CNTRL: variants seen among roughly 807,000 people sequenced by gnomAD.
CNTRL encodes the protein 110 kDa centrosomal protein.
Under a neutral mutation model 303.7 loss-of-function variants are expected in CNTRL, and 233 were observed. The ratio of observed to expected loss-of-function variants is 0.77; its 90% CI spans 0.69 to 0.86. The LOEUF (loss-of-function observed/expected upper bound fraction) is 0.86. Ranked by LOEUF, CNTRL falls within the 40% of genes least tolerant of loss-of-function variation. CNTRL has a pLI of 0.00. For synonymous variants in CNTRL, 900 were observed against 922.2 expected (o/e 0.98, Z 0.44); for missense variants, 2,524 against 2,650.6 (o/e 0.95, Z 1.05).
chr9:121,175,033 T>TGTATGTCCAAGCAA lies in CNTRL; in HGVS notation c.6765_6778dup (p.Ala2260ValfsTer9). 1 of 1,613,682 alleles carries TGTATGTCCAAGCAA rather than the reference T, an allele frequency of 6.2e-7. No individual in the cohort carries two copies. ...CACTTTTCAGGCCCAACTCCGACACTGTATGTCCAAGCAAGCAGAAGTATT... is the reference window on the plus strand; with the variant it reads ...CACTTTTCAGGCCCAACTCCGACACTGTATGTCCAAGCAAGTATGTCCAAGCAAGCAGAAGTATT... On this transcript the variant is annotated frameshift_variant, in exon 43 of 44. Transcript: ENST00000373855. LOFTEE classifies it high-confidence loss of function.
chr9:121,134,967 T>A (rs1302792842), intron 14 of CNTRL, among the ~76,000 whole-genome samples: 1 of 152,222 alleles, frequency 6.6e-6, no homozygotes, highest in Non-Finnish European at 1.5e-5. Flanking sequence ...ATATGTAGTA[T>A]CTATATTTTA....
intron 12 of CNTRL, among the ~76,000 whole-genome samples, chr9:121,123,517 T>C (rs1053588088): frequency 6.6e-6 from 1 of 152,306 alleles, no homozygotes; most frequent in South Asian, 2.1e-4. Flanking sequence ...GAGAATTGCT[T>C]GAACCCAGGA....
chr9:121,167,364 G>T, intron 36 of CNTRL, 125 bp from the exon 37 acceptor site: 1 of 739,704 alleles, frequency 1.4e-6, no homozygotes, highest in Non-Finnish European at 2.2e-6. Flanking sequence ...AGTTTATTGA[G>T]ATAATAAAGG....
At chr9:121,081,870 C>T (rs2048153501) in intron 2 of CNTRL, among the ~76,000 whole-genome samples, 2 of 152,200 alleles carry the variant, frequency 1.3e-5, no homozygotes, top group Admixed American at 6.5e-5. Flanking sequence ...TAGCTGCTCT[C>T]CCCTCCTTAA....
At chr9:121,175,299 C>T (rs2053476095) in intron 43 of CNTRL, 75 bp downstream of exon 43, 4 of 1,361,740 alleles carry the variant, frequency 2.9e-6, no homozygotes, top group Non-Finnish European at 4.1e-6. Context: ...CAAGGTCTTG[C>T]CCTACCGCCC....
chr9:121,145,078 C>T, intron 21 of CNTRL, 119 bp downstream of exon 21: 3 of 1,124,072 alleles, frequency 2.7e-6, no homozygotes, highest in Non-Finnish European at 3.9e-6. Context: ...TTAATAAGTA[C>T]TTTATCCTCT....
At chr9:121,130,707 C>A (rs1183553892) in intron 14 of CNTRL, among the ~76,000 whole-genome samples, 2 of 152,092 alleles carry the variant, frequency 1.3e-5, no homozygotes, top group African/African-American at 4.8e-5. Context: ...TTCTCTAGTT[C>A]TTTTAGTTGT....
chr9:121,153,116 A>G (rs891880330), intron 26 of CNTRL, among the ~76,000 whole-genome samples: 1 of 152,036 alleles, frequency 6.6e-6, no homozygotes, highest in East Asian at 1.9e-4. Context: ...AGAGCTCTCA[A>G]ACTGGTCCCT....
chr9:121,166,994 C>T (rs1248228000), intron 36 of CNTRL, among the ~76,000 whole-genome samples: 2 of 145,688 alleles, frequency 1.4e-5, no homozygotes, highest in Non-Finnish European at 1.5e-5. Context: ...GTACTCCAGC[C>T]TGGGCAACAA....
Position 121,175,222 on chromosome 9 carries a change from C to G in CNTRL, c.6952C>G (p.Gln2318Glu). The G allele has an allele frequency of 6.2e-7, 1 of 1,613,708 alleles. No homozygotes were observed. The highest frequency in any genetic ancestry group is 2.2e-5 in the East Asian group (1 of 44,868). Reference sequence around the variant, plus strand: ...AGAGGACTCTCAACTTGGACAAAATCAGGTAAGCAGCAGCTCTTTTTAAAA... The same window carrying G: ...AGAGGACTCTCAACTTGGACAAAATGAGGTAAGCAGCAGCTCTTTTTAAAA... ...LTEDSQLGQN[Q>E]EKNASAR The change falls in exon 43 of 44, where the codon CAG becomes GAG. Residue 2318 changes from glutamine to glutamate, a missense_variant and splice_region_variant. Gln to Glu is a conservative substitution (Grantham distance 29). Coordinates refer to ENST00000373855, the MANE Select transcript of CNTRL (RefSeq NM_007018.6).
At chr9:121,156,923 A>T (rs995115012) in intron 27 of CNTRL, among the ~76,000 whole-genome samples, 1 of 152,194 alleles carries the variant, frequency 6.6e-6, no homozygotes, top group African/African-American at 2.4e-5. Flanking sequence ...GTGTGGAGGA[A>T]ATCTTGGTAA....
intron 39 of CNTRL, among the ~76,000 whole-genome samples, chr9:121,170,600 C>A: frequency 6.6e-6 from 1 of 152,218 alleles, no homozygotes; most frequent in Non-Finnish European, 1.5e-5. Context: ...GAATTACAGG[C>A]GTGTGCCACC....
At chr9:121,113,345 G>A (rs1316050926) in intron 9 of CNTRL, among the ~76,000 whole-genome samples, 157 bp from the exon 10 acceptor site, 1 of 152,044 alleles carries the variant, frequency 6.6e-6, no homozygotes, top group Admixed American at 6.5e-5. Flanking sequence ...TTAAGAAGAA[G>A]ATAAAAGAAT....
chr9:121,091,894 T>A (rs2048589344), intron 4 of CNTRL, among the ~76,000 whole-genome samples: 1 of 144,994 alleles, frequency 6.9e-6, no homozygotes, highest in Non-Finnish European at 1.5e-5. Flanking sequence ...CTTTTTTTTT[T>A]TTTTTTTTTT....
chr9:121,149,814 G>C (rs1201246386), intron 24 of CNTRL, among the ~76,000 whole-genome samples: 1 of 152,178 alleles, frequency 6.6e-6, no homozygotes, highest in Non-Finnish European at 1.5e-5. Context: ...TATCACGTTG[G>C]AGAGTGTTAC....
chr9:121,177,232 A>AC lies in CNTRL; in HGVS notation c.*48dup. On this transcript the variant is annotated 3_prime_UTR_variant, in exon 44 of 44. Transcript: ENST00000373855. ...TATATTCAAGGAAAACACCTCCACT[A>AC]CCTCACTGACTTCATAATTGGAATG... 1.4e-6 allele frequency: 2 copies of AC among 1,480,386 alleles called. No individual in the cohort carries two copies. Among genetic ancestry groups the AC allele is most frequent in the South Asian group, 1.2e-5 (1 of 85,722 alleles). The allele number at this position is 1,480,386 out of a possible 1,614,324, so 91.7% of individuals were successfully genotyped here.
chr9:121,144,071 G>A lies in CNTRL; in HGVS notation c.3040G>A (p.Glu1014Lys). 1.2e-6 allele frequency: 2 copies of A among 1,609,500 alleles called. No individual in the cohort carries two copies. The highest frequency in any genetic ancestry group is 1.1e-5 in the South Asian group (1 of 90,336). ...TGGAACTGTTATGAAAATTAACCAGGAGCGAGCAGAGGTGAGTTCACATGT... is the reference window on the plus strand; with the variant it reads ...TGGAACTGTTATGAAAATTAACCAGAAGCGAGCAGAGGTGAGTTCACATGT... ...LHGTVMKINQ[E>K]RAEELQEAER... The change falls in exon 20 of 44, where the codon GAG becomes AAG. Residue 1014 changes from glutamate to lysine, a missense_variant. Glu to Lys is a moderately conservative substitution (Grantham distance 56, BLOSUM62 1). Coordinates refer to ENST00000373855, the MANE Select transcript of CNTRL (RefSeq NM_007018.6).
Position 121,098,468 on chromosome 9 carries a change from A to T in CNTRL, c.704A>T (p.His235Leu), listed in dbSNP as rs760483028. 3 of 1,613,694 alleles carry T rather than the reference A, an allele frequency of 1.9e-6. No homozygotes were observed. In the African/African-American group the frequency reaches 4.0e-5, roughly 22 times the overall value. ...LVENPVVTLP[H>L]YLQFTIFHLR... ...GAAAATCCAGTTGTGACCCTTCCTC[A>T]TTACCTCCAGTTTACCATTTTCCAC... Residue 235 changes from histidine (H) to leucine (L), a missense_variant, in exon 7 of 44, where the codon CAT becomes CTT. By Grantham distance (99) the His-to-Leu change is moderately conservative (BLOSUM62 -3). Coordinates refer to ENST00000373855, the MANE Select transcript of CNTRL (RefSeq NM_007018.6).
At chr9:121,175,268 TG>T in intron 43 of CNTRL, 44 bp downstream of exon 43, 1 of 1,584,944 alleles carries the variant, frequency 6.3e-7, no homozygotes, top group Non-Finnish European at 8.7e-7. Flanking sequence ...AGCCTGAGGT[TG>T]TTTTTTGTCT....
Sources: gnomAD v4.1 joint callset for allele counts (sites outside exome capture counted in the v4.1 genomes callset) on GRCh38, gnomAD v4.1.1 for gene constraint, MANE v1.5 for transcripts, NCBI Gene and HGNC (gene_info 2026-07-23, HGNC 2026-07-21) for gene names.